ALYREF: variants seen among roughly 807,000 people sequenced by gnomAD.
The protein encoded by ALYREF is THO complex subunit 4.
In ALYREF, 1 loss-of-function variant was observed where a neutral mutation model predicts 25.2. That is an observed-to-expected ratio of 0.04 (90% confidence interval 0.01 to 0.19). ALYREF has a LOEUF of 0.19. Ranked by LOEUF, ALYREF falls within the 10% of genes least tolerant of loss-of-function variation. The pLI, the probability that ALYREF is intolerant of heterozygous loss-of-function variation, is 1.00. For missense variants in ALYREF, 328 were observed against 375.6 expected (o/e 0.87, Z 1.05); for synonymous variants, 193 against 153.5 (o/e 1.26, Z -1.90).
chr17:81,889,363 A>T, intron 2 of ALYREF, 34 bp from the exon 3 acceptor site: 1 of 1,607,196 alleles, frequency 6.2e-7, no homozygotes, highest in Non-Finnish European at 8.5e-7. Context: ...TCAGAAAAGC[A>T]ACAAAACTGC....
chr17:81,890,976 C>T (rs980979771), intron 1 of ALYREF, 156 bp from the exon 2 acceptor site: 2 of 1,146,504 alleles, frequency 1.7e-6, no homozygotes, highest in African/African-American at 1.6e-5. Flanking sequence ...GCTGCCCCAG[C>T]CCGAGGCCGC....
chr17:81,889,422 G>C, intron 2 of ALYREF, 93 bp from the exon 3 acceptor site: 1 of 1,462,944 alleles, frequency 6.8e-7, no homozygotes, highest in Non-Finnish European at 9.5e-7. Flanking sequence ...GAGTTGCTTT[G>C]GGGGTGGTTC....
At chr17:81,890,573 C>CA (rs2039501190) in intron 2 of ALYREF, 116 bp downstream of exon 2, 1 of 1,488,736 alleles carries the variant, frequency 6.7e-7, no homozygotes, top group African/African-American at 1.4e-5. Flanking sequence ...TGCAGCCCTT[C>CA]AGAGCTGGGA....
chr17:81,888,774 T>A lies in ALYREF; in HGVS notation c.539-191A>T. On this transcript the variant is annotated intron_variant, in intron 3 of 5. Coordinates refer to ENST00000505490, the MANE Select transcript of ALYREF (RefSeq NM_005782.4). The surrounding 1 kb of genome is among the most constrained non-coding windows in gnomAD (Gnocchi z 5.8). ...GCAAGGAAGCAACCCCACCAACACC[T>A]CCTCACTCCTTCTCAGTCCAGACTA... 8 of 1,445,372 alleles carry A rather than the reference T, an allele frequency of 5.5e-6. No homozygotes were observed. Among genetic ancestry groups the A allele is most frequent in the Non-Finnish European group, 7.3e-6 (8 of 1,099,654 alleles). 89.5% of individuals were successfully genotyped at this position (1,445,372 alleles called of 1,614,324 possible). A position where few individuals can be genotyped will look rare whatever the true frequency, so the allele number is the denominator to read the frequency against.
intron 2 of ALYREF, among the ~76,000 whole-genome samples, 174 bp from the exon 3 acceptor site, chr17:81,889,503 A>G (rs2039473997): frequency 6.6e-6 from 1 of 152,164 alleles, no homozygotes; most frequent in Admixed American, 6.5e-5. Flanking sequence ...AACTTCCAAG[A>G]GCACCTGGGT....
In ALYREF at chr17:81,890,770, G is replaced by C. The variant is rs538249496; in HGVS notation, c.309C>G (p.Phe103Leu). 2 of 1,614,076 alleles carry C rather than the reference G, an allele frequency of 1.2e-6. No individual in the cohort carries two copies. Among genetic ancestry groups the C allele is most frequent in the Non-Finnish European group, 1.7e-6 (2 of 1,180,024 alleles). Reference sequence around the variant, plus strand: ...CTGTCTCCACGCCGGCACCACCGCCGAAGCCACTGTCGAAAAGATCGTGCT... The same window carrying C: ...CTGTCTCCACGCCGGCACCACCGCCCAAGCCACTGTCGAAAAGATCGTGCT... The part of the protein sequence containing the change: ...KWQHDLFDSG[F>L]GGGAGVETGG... The change falls in exon 2 of 6, where the codon TTC becomes TTG. Residue 103 changes from phenylalanine (F) to leucine (L), a missense_variant. Around this residue, in one of 3 missense-constraint regions of ALYREF, gnomAD observed 70 missense variants for 129.9 expected, o/e 0.54. Coordinates refer to ENST00000505490, the MANE Select transcript of ALYREF (RefSeq NM_005782.4).
In ALYREF at chr17:81,887,987, C is replaced by T. The variant is rs910914455; in HGVS notation, c.*144G>A. The T allele has an allele frequency of 1.8e-5, 14 of 794,610 alleles. 1 individual carries two copies. Among genetic ancestry groups the T allele is most frequent in the East Asian group, 3.2e-5 (1 of 31,558 alleles). 49.2% of individuals were successfully genotyped at this position (794,610 alleles called of 1,614,324 possible). ...AAAAAAAAAAAAGAAAAAAAAAAAA[C>T]CTTTACATGAGTTTTTAAATCCTAT... On this transcript the variant is annotated 3_prime_UTR_variant, in exon 6 of 6. Coordinates refer to ENST00000505490, the MANE Select transcript of ALYREF (RefSeq NM_005782.4).
intron 2 of ALYREF, among the ~76,000 whole-genome samples, chr17:81,890,183 G>A (rs1023193071): frequency 6.6e-6 from 1 of 152,110 alleles, no homozygotes; most frequent in African/African-American, 2.4e-5. Flanking sequence ...AGATGGATTT[G>A]AGAGTCATGT....
chr17:81,891,300 G>C (rs1598293205), intron 1 of ALYREF, 23 bp downstream of exon 1: 2 of 1,130,310 alleles, frequency 1.8e-6, no homozygotes, highest in African/African-American at 3.4e-5. Flanking sequence ...CCACTCTCCG[G>C]CGCGGCCGGC....
rs549542402 is a variant in ALYREF, at chr17:81,888,024, A to G, written c.*107T>C. ...TTTTTAAATCCTATTTTAAAACATA[A>G]AAGAAACAAATCCATCATTGGCCGC... On this transcript the variant is annotated 3_prime_UTR_variant, in exon 6 of 6. Coordinates refer to ENST00000505490, the MANE Select transcript of ALYREF (RefSeq NM_005782.4). This position sits in a 1 kb window ranked among gnomAD's most constrained non-coding sequence, Gnocchi z 5.8. 110 of 1,413,318 alleles carry G rather than the reference A, an allele frequency of 7.8e-5. No homozygotes were observed. The highest frequency in any genetic ancestry group is 1.0e-4 in the Non-Finnish European group (106 of 1,034,150). The allele number at this position is 1,413,318 out of a possible 1,614,324, so 87.5% of individuals were successfully genotyped here.
At chr17:81,891,061 CCT>C in intron 1 of ALYREF, 1 of 685,114 alleles carries the variant, frequency 1.5e-6, no homozygotes, top group Non-Finnish European at 2.4e-6. Flanking sequence ...CCCAGCGTCC[CCT>C]CCTCTCCTGC....
chr17:81,889,381 C>A (rs760128822), intron 2 of ALYREF, 52 bp from the exon 3 acceptor site: 8 of 1,601,214 alleles, frequency 5.0e-6, no homozygotes, highest in African/African-American at 4.0e-5. Context: ...TGCGTTCCTT[C>A]TGGTGGCCCA....
In ALYREF at chr17:81,889,296, C is replaced by T. The variant is rs767667450; in HGVS notation, c.424G>A (p.Ala142Thr). Residue 142 changes from alanine to threonine, a missense_variant, in exon 3 of 6, where the codon GCG (alanine) becomes ACG (threonine). By Grantham distance (58) the Ala-to-Thr change is moderately conservative (BLOSUM62 0). Around this residue, in one of 3 missense-constraint regions of ALYREF, gnomAD observed 70 missense variants for 129.9 expected, o/e 0.54. Coordinates refer to ENST00000505490, the MANE Select transcript of ALYREF (RefSeq NM_005782.4). Reference protein sequence around the residue: ...LFAEFGTLKKAAVHYDRSGRS... With the variant: ...LFAEFGTLKKTAVHYDRSGRS... ...CCAGAGCGATCATAGTGCACAGCCGCCTTCTTCAGCGTTCCAAATTCAGCA... is the reference window on the plus strand; with the variant it reads ...CCAGAGCGATCATAGTGCACAGCCGTCTTCTTCAGCGTTCCAAATTCAGCA... 1.2e-6 allele frequency: 2 copies of T among 1,614,188 alleles called. No homozygotes were observed. The highest frequency in any genetic ancestry group is 1.7e-6 in the Non-Finnish European group (2 of 1,179,988).
chr17:81,889,197 C>T lies in ALYREF; in HGVS notation c.523G>A (p.Gly175Ser), dbSNP rs775491081. 16 of 1,614,180 alleles carry T rather than the reference C, an allele frequency of 9.9e-6. No homozygotes were observed. Among genetic ancestry groups the T allele is most frequent in the Non-Finnish European group, 1.3e-5 (15 of 1,180,020 alleles). ...DALKAMKQYN[G>S]VPLDGRPMNI... ...CCAGACTCACCATCCAGAGGGACGC[C>T]GTTGTACTGCTTCATGGCCTTCAGG... Residue 175 changes from glycine (G) to serine (S), a missense_variant, in exon 3 of 6, where the codon GGC becomes AGC. Transcript: ENST00000505490.
Position 81,887,853 on chromosome 17 carries a change from T to A in ALYREF, c.*278A>T, listed in dbSNP as rs2039452543. The A allele has an allele frequency of 5.2e-6, 2 of 384,160 alleles. No individual in the cohort carries two copies. Among genetic ancestry groups the A allele is most frequent in the Non-Finnish European group, 9.3e-6 (2 of 215,866 alleles). The allele number at this position is 384,160 out of a possible 1,614,324, so 23.8% of individuals were successfully genotyped here. On this transcript the variant is annotated 3_prime_UTR_variant, in exon 6 of 6. Coordinates refer to ENST00000505490, the MANE Select transcript of ALYREF (RefSeq NM_005782.4). Reference sequence around the variant, plus strand: ...CAAACAGTTCCAGTTCTACACACATTTCTATTTTATTATGGAAAAGGTGGA... The same window carrying A: ...CAAACAGTTCCAGTTCTACACACATATCTATTTTATTATGGAAAAGGTGGA...
Position 81,891,389 on chromosome 17 carries a change from G to C in ALYREF, c.192C>G (p.Asn64Lys). Residue 64 changes from asparagine to lysine, a missense_variant, in exon 1 of 6, where the codon AAC becomes AAG. Asn to Lys is a moderately conservative substitution (Grantham distance 94). Coordinates refer to ENST00000505490, the MANE Select transcript of ALYREF (RefSeq NM_005782.4). ...RVNRGGGPIRNRPAIARGAAG... is the reference protein window; with the variant it reads ...RVNRGGGPIRKRPAIARGAAG... ...CCGCGCCGCGGGCGATGGCCGGCCG[G>C]TTCCGGATGGGCCCGCCGCCTCGAT... 1 of 1,108,780 alleles carries C rather than the reference G, an allele frequency of 9.0e-7. No homozygotes were observed. The highest frequency in any genetic ancestry group is 1.1e-6 in the Non-Finnish European group (1 of 909,894). The allele number at this position is 1,108,780 out of a possible 1,614,324, so 68.7% of individuals were successfully genotyped here.
Position 81,890,838 on chromosome 17 carries a change from A to G in ALYREF, c.259-18T>C. The G allele has an allele frequency of 1.2e-6, 2 of 1,613,950 alleles. No homozygotes were observed. Among genetic ancestry groups the G allele is most frequent in the Non-Finnish European group, 8.5e-7 (1 of 1,179,948 alleles). ...TGTTTTGGCTGAAAAAAAAACCGCAACAAGAGCAGATCTGTGAGTCTCAGT... is the reference window on the plus strand; with the variant it reads ...TGTTTTGGCTGAAAAAAAAACCGCAGCAAGAGCAGATCTGTGAGTCTCAGT... On this transcript the variant is annotated intron_variant, in intron 1 of 5. Coordinates refer to ENST00000505490, the MANE Select transcript of ALYREF (RefSeq NM_005782.4).
rs1221515405 is a variant in ALYREF, at chr17:81,888,284, G to A, written c.737C>T (p.Ser246Leu). The stretch of plus-strand genomic sequence containing the variant: ...CAGCTGGGCATCCAGCTCCTCTGCC[G>A]AAAGCTGCTGCTTTGAATTCCTGCC... ...GAGRNSKQQL[S>L]AEELDAQLDA... Residue 246 changes from serine to leucine, a missense_variant, in exon 5 of 6, where the codon TCG (serine) becomes TTG (leucine). This residue lies in a region of ALYREF where 108 missense variants were observed against 110.5 expected (regional missense o/e 0.98). Coordinates refer to ENST00000505490, the MANE Select transcript of ALYREF (RefSeq NM_005782.4). This position sits in a 1 kb window ranked among gnomAD's most constrained non-coding sequence, Gnocchi z 5.8. 2 of 1,609,116 alleles carry A rather than the reference G, an allele frequency of 1.2e-6. No individual in the cohort carries two copies. Among genetic ancestry groups the A allele is most frequent in the East Asian group, 2.2e-5 (1 of 44,842 alleles).
rs1452296353 is a variant in ALYREF, at chr17:81,890,725, G to C, written c.354C>G (p.Ser118=). The change falls in exon 2 of 6, where the codon TCC becomes TCG. Residue 118 remains serine (S), a synonymous_variant. Coordinates refer to ENST00000505490, the MANE Select transcript of ALYREF (RefSeq NM_005782.4). ...CGTCTGAGACTCCAAAATCCAGATTGGACACCAGCAGTTTCCCACCTGTCT... is the reference window on the plus strand; with the variant it reads ...CGTCTGAGACTCCAAAATCCAGATTCGACACCAGCAGTTTCCCACCTGTCT... ...GVETGGKLLV[S]NLDFGVSDAD... 2 of 1,613,988 alleles carry C rather than the reference G, an allele frequency of 1.2e-6. No homozygotes were observed. The highest frequency in any genetic ancestry group is 1.7e-6 in the Non-Finnish European group (2 of 1,179,992).
Sources: gnomAD v4.1 joint callset for allele counts (sites outside exome capture counted in the v4.1 genomes callset) on GRCh38, gnomAD v4.1.1 for gene constraint, gnomAD v4.1.1 regional missense constraint, Gnocchi (gnomAD v3.1) non-coding constraint, MANE v1.5 for transcripts, NCBI Gene and HGNC (gene_info 2026-07-23, HGNC 2026-07-21) for gene names.